Variants in HECW1 observed in about 807,000 individuals in gnomAD.
The protein encoded by HECW1 is E3 ubiquitin-protein ligase HECW1.
In HECW1, 61 loss-of-function variants were observed where a neutral mutation model predicts 182.3. That is an observed-to-expected ratio of 0.33 (90% CI 0.27 to 0.41). HECW1 has a LOEUF of 0.41. Among genes scored for constraint, HECW1 ranks in the 10% least tolerant of loss-of-function variants. The pLI is 1.00. For missense variants in HECW1, 1,739 were observed against 2,108.9 expected (o/e 0.82, Z 3.44); for synonymous variants, 859 against 832.6 (o/e 1.03, Z -0.55).
In HECW1 at chr7:43,564,900, G is replaced by A. The variant is rs1344137362; in HGVS notation, c.*2974G>A. On this transcript the variant is annotated 3_prime_UTR_variant, in exon 30 of 30. Coordinates refer to ENST00000395891, the MANE Select transcript of HECW1 (RefSeq NM_015052.5). ...ACCTGTAATTTTTTTTTAAGCATGA[G>A]TTTTCTCCATGGAGGCAAATTGCAA... is the stretch of plus-strand genomic sequence containing the variant. 5.4e-6 allele frequency: 1 copy of A among 185,136 alleles called. No individual in the cohort carries two copies. The highest frequency in any genetic ancestry group is 1.1e-5 in the Non-Finnish European group (1 of 87,484). 11.5% of individuals were successfully genotyped at this position (185,136 alleles called of 1,614,324 possible).
chr7:43,192,140 G>A (rs1020444036), intron 2 of HECW1, among the ~76,000 whole-genome samples: 1 of 151,836 alleles, frequency 6.6e-6, no homozygotes, highest in African/African-American at 2.4e-5. Flanking sequence ...TTGTATTTTT[G>A]TAGAGATGGG....
At chr7:43,181,607 A>C (rs1258988286) in intron 2 of HECW1, among the ~76,000 whole-genome samples, 1 of 150,716 alleles carries the variant, frequency 6.6e-6, no homozygotes, top group East Asian at 1.9e-4. Flanking sequence ...GTATTTTTTT[A>C]CATACTTGTT....
chr7:43,145,289 C>G (rs1160213523), intron 2 of HECW1, among the ~76,000 whole-genome samples: 1 of 152,062 alleles, frequency 6.6e-6, no homozygotes, highest in Non-Finnish European at 1.5e-5. Context: ...TTTGCCCTTT[C>G]CTTCTTTCAT....
intron 7 of HECW1, among the ~76,000 whole-genome samples, chr7:43,405,249 T>G (rs554415846): frequency 6.8e-6 from 1 of 146,396 alleles, no homozygotes; most frequent in East Asian, 1.9e-4. Context: ...TTATGATGAA[T>G]GTTTTATATA....
At chr7:43,178,963 TATTC>T (rs1792533662) in intron 2 of HECW1, among the ~76,000 whole-genome samples, 1 of 152,238 alleles carries the variant, frequency 6.6e-6, no homozygotes, top group Non-Finnish European at 1.5e-5. Flanking sequence ...ACCTGATTCA[TATTC>T]ACCAAGCACT....
intron 3 of HECW1, among the ~76,000 whole-genome samples, chr7:43,310,407 G>GA (rs1272288866): frequency 6.6e-6 from 1 of 152,132 alleles, no homozygotes; most frequent in Non-Finnish European, 1.5e-5. Flanking sequence ...CAAGCATTTT[G>GA]AAAAAATAAG....
At chr7:43,291,487 T>A (rs933850885) in intron 3 of HECW1, among the ~76,000 whole-genome samples, 1 of 152,258 alleles carries the variant, frequency 6.6e-6, no homozygotes, top group African/African-American at 2.4e-5. Flanking sequence ...AATATCTTGG[T>A]TAAAGTACAA....
intron 2 of HECW1, among the ~76,000 whole-genome samples, chr7:43,220,636 A>G (rs547114893): frequency 6.6e-6 from 1 of 152,340 alleles, no homozygotes; most frequent in South Asian, 2.1e-4. Context: ...TTTAGAGGCT[A>G]CCTCCCAGGA....
At chr7:43,271,466 C>T (rs931032366) in intron 3 of HECW1, among the ~76,000 whole-genome samples, 1 of 152,266 alleles carries the variant, frequency 6.6e-6, no homozygotes, top group South Asian at 2.1e-4. Context: ...ACCCTAAGGA[C>T]TCTGTCAAAA....
At chr7:43,393,709 G>A (rs541239094) in intron 6 of HECW1, among the ~76,000 whole-genome samples, 1 of 147,544 alleles carries the variant, frequency 6.8e-6, no homozygotes, top group Non-Finnish European at 1.5e-5. Context: ...ACCTGTTTTT[G>A]ATGCAATAAA....
At chr7:43,163,034 A>C (rs1790719361) in intron 2 of HECW1, 1 of 152,252 alleles carries the variant, frequency 6.6e-6, no homozygotes, top group African/African-American at 2.4e-5. Context: ...TGTGACTATG[A>C]AACTCATTAA....
chr7:43,321,736 C>T (rs934415148), intron 5 of HECW1, among the ~76,000 whole-genome samples: 4 of 152,166 alleles, frequency 2.6e-5, no homozygotes, highest in African/African-American at 9.6e-5. Flanking sequence ...ACTTGTGGTC[C>T]AGGAAAAACT....
intron 8 of HECW1, among the ~76,000 whole-genome samples, chr7:43,433,921 A>G (rs1272198760): frequency 6.6e-6 from 1 of 152,208 alleles, no homozygotes; most frequent in Non-Finnish European, 1.5e-5. Context: ...CAGACCCCCA[A>G]GGATGCCCAG....
intron 17 of HECW1, among the ~76,000 whole-genome samples, chr7:43,488,362 G>A (rs1490949818): frequency 3.3e-5 from 4 of 120,570 alleles, no homozygotes; most frequent in Non-Finnish European, 6.8e-5. Context: ...AAGGAAGGAA[G>A]GAAGGAAGGA....
At chr7:43,371,072 A>G (rs928227926) in intron 6 of HECW1, among the ~76,000 whole-genome samples, 1 of 152,030 alleles carries the variant, frequency 6.6e-6, no homozygotes, top group Non-Finnish European at 1.5e-5. Context: ...TATTTTTAGT[A>G]GAGACAGGGT....
intron 24 of HECW1, among the ~76,000 whole-genome samples, chr7:43,513,840 T>C (rs1434480607): frequency 6.6e-6 from 1 of 152,156 alleles, no homozygotes; most frequent in Non-Finnish European, 1.5e-5. Flanking sequence ...AGTGATAATA[T>C]TCAGGCCAAA....
intron 3 of HECW1, among the ~76,000 whole-genome samples, chr7:43,263,200 G>T (rs1385554708): frequency 6.6e-6 from 1 of 152,136 alleles, no homozygotes; most frequent in Non-Finnish European, 1.5e-5. Flanking sequence ...GCATCTAAAA[G>T]CTTCAAAACT....
chr7:43,466,598 C>A lies in HECW1; in HGVS notation c.2913+30C>A, dbSNP rs1391747130. ...GTGCCCTAAAATGCAGAGGGGGCGG[C>A]CTGGCTCGGCAAGACCCAAAACACA... On this transcript the variant is annotated intron_variant, in intron 15 of 29. Coordinates refer to ENST00000395891, the MANE Select transcript of HECW1 (RefSeq NM_015052.5). 4 of 1,605,216 alleles carry A rather than the reference C, an allele frequency of 2.5e-6. No homozygotes were observed. The African/African-American group carries it at 5.3e-5, about 21-fold the overall frequency.
chr7:43,132,974 T>C (rs938731684), intron 2 of HECW1, among the ~76,000 whole-genome samples: 10 of 152,340 alleles, frequency 6.6e-5, no homozygotes, highest in Non-Finnish European at 1.5e-4. Context: ...TTTCAGTTTT[T>C]TAATAAGAAA....
Sources: allele counts gnomAD v4.1 joint callset (sites outside exome capture counted in the v4.1 genomes callset), GRCh38; gene constraint gnomAD v4.1.1; transcripts MANE v1.5; gene names NCBI Gene and HGNC (gene_info 2026-07-23, HGNC 2026-07-21).